Variants in CDKN3 observed in about 807,000 individuals in gnomAD.
The protein encoded by CDKN3 is cyclin-dependent kinase inhibitor 3.
CDKN3 carries 19 observed loss-of-function variants against 36.1 expected under a neutral mutation model. The ratio of observed to expected loss-of-function variants is 0.53; its 90% CI spans 0.37 to 0.77. The LOEUF is 0.77. Ranked by LOEUF, CDKN3 falls within the 30% of genes least tolerant of loss-of-function variation. The pLI is 0.00. For synonymous variants in CDKN3, 71 were observed against 85.3 expected, an observed-to-expected ratio of 0.83 and a Z score of 0.92; for missense variants, 188 against 248.6, an observed-to-expected ratio of 0.76 and a Z score of 1.64.
intron 3 of CDKN3, among the ~76,000 whole-genome samples, chr14:54,402,006 G>A (rs1370654196): frequency 6.6e-6 from 1 of 152,080 alleles, no homozygotes; most frequent in African/African-American, 2.4e-5. Flanking sequence ...TCAGAAGATA[G>A]AGACTATCCT....
At chr14:54,406,333 C>A (rs968329092) in intron 3 of CDKN3, among the ~76,000 whole-genome samples, 1 of 152,058 alleles carries the variant, frequency 6.6e-6, no homozygotes, top group Non-Finnish European at 1.5e-5. Context: ...TTGCTCTTCT[C>A]GTGGAGTATC....
At chr14:54,404,688 C>T (rs1459700403) in intron 3 of CDKN3, among the ~76,000 whole-genome samples, 1 of 152,214 alleles carries the variant, frequency 6.6e-6, no homozygotes, top group South Asian at 2.1e-4. Flanking sequence ...CATTCTCCTG[C>T]GTCAGCCTCC....
intron 2 of CDKN3, 89 bp from the exon 3 acceptor site, chr14:54,401,435 G>A: frequency 1.3e-6 from 1 of 759,162 alleles, no homozygotes; most frequent in Non-Finnish European, 2.2e-6. Context: ...ACTTTATTTG[G>A]TGGCAAGCAC....
chr14:54,414,523 C>T (rs2030464888), intron 5 of CDKN3, among the ~76,000 whole-genome samples: 1 of 150,622 alleles, frequency 6.6e-6, no homozygotes, highest in African/African-American at 2.4e-5. Context: ...CAAAAAGACA[C>T]TGAAGTGTTC....
chr14:54,419,348 G>A lies in CDKN3; in HGVS notation c.553-644G>A, dbSNP rs74528153. ...CACCTCAGCATTCTGTGGCAAACAG[G>A]CTTGCTGGTGTTAGCAATGCAGTTT... On this transcript the variant is annotated intron_variant, in intron 7 of 7. Coordinates refer to ENST00000335183, the MANE Select transcript of CDKN3 (RefSeq NM_005192.4). 2.7e-3 allele frequency among the ~76,000 whole-genome samples: 407 copies of A among 152,254 alleles called. 3 individuals carry two copies. Among genetic ancestry groups the A allele is most frequent in the African/African-American group, 9.4e-3 (392 of 41,558 alleles).
At chr14:54,418,859 G>A (rs2030636891) in intron 7 of CDKN3, among the ~76,000 whole-genome samples, 1 of 151,996 alleles carries the variant, frequency 6.6e-6, no homozygotes, top group Non-Finnish European at 1.5e-5. Context: ...CTCTCTTTAT[G>A]TTAAAAATCA....
rs4251650 is a variant in CDKN3, at chr14:54,414,648, C to T, written c.417-1251C>T. Among the ~76,000 whole-genome samples the T allele has an allele frequency of 1.6e-3, 234 of 148,700 alleles. No individual in the cohort carries two copies. The Middle Eastern group carries it at 0.028, about 18-fold the overall frequency. ...GTAGCCTTGAACTGCCGGGCTCAAG[C>T]GATCCTCCCACCTCAGGCTCCCGAG... On this transcript the variant is annotated intron_variant, in intron 5 of 7. Transcript: ENST00000335183.
chr14:54,415,221 A>G (rs1483982329), intron 5 of CDKN3, among the ~76,000 whole-genome samples: 12 of 152,222 alleles, frequency 7.9e-5, no homozygotes, highest in Non-Finnish European at 1.0e-4. Flanking sequence ...ACAGTGCTAG[A>G]TAACAGCAGC....
intron 5 of CDKN3, chr14:54,413,570 A>G: frequency 7.1e-7 from 1 of 1,409,146 alleles, no homozygotes; most frequent in South Asian, 1.2e-5. Flanking sequence ...CCCATAAAAT[A>G]AAGCATCTGA....
At chr14:54,407,256 G>A (rs1256477137) in intron 3 of CDKN3, among the ~76,000 whole-genome samples, 1 of 152,208 alleles carries the variant, frequency 6.6e-6, no homozygotes, top group Admixed American at 6.5e-5. Context: ...GCCAGCTGGA[G>A]TTCTCCTGTA....
In CDKN3 at chr14:54,397,039, G is replaced by C; in HGVS notation, c.-30G>C. On this transcript the variant is annotated 5_prime_UTR_variant, in exon 1 of 8. Coordinates refer to ENST00000335183, the MANE Select transcript of CDKN3 (RefSeq NM_005192.4). ...AGTCGCCGGCGCTGCAGAGGGAGGC[G>C]GCACTGGTCTCGACGTGGGGCGGCC... 1.3e-6 allele frequency: 2 copies of C among 1,485,818 alleles called. No individual in the cohort carries two copies. Among genetic ancestry groups the C allele is most frequent in the Non-Finnish European group, 1.8e-6 (2 of 1,115,102 alleles). The allele number at this position is 1,485,818 out of a possible 1,614,324, so 92.0% of individuals were successfully genotyped here.
At chr14:54,408,319 C>G (rs2030233263) in intron 3 of CDKN3, among the ~76,000 whole-genome samples, 1 of 152,200 alleles carries the variant, frequency 6.6e-6, no homozygotes, top group South Asian at 2.1e-4. Flanking sequence ...ATTCTCTATA[C>G]TGGGCAATAA....
intron 3 of CDKN3, among the ~76,000 whole-genome samples, chr14:54,404,241 G>A (rs540822207): frequency 7.2e-5 from 11 of 152,058 alleles, no homozygotes; most frequent in Admixed American, 4.6e-4. Flanking sequence ...TCACGGATTC[G>A]ACTTCTTCCT....
At chr14:54,402,005 A>C (rs4251614) in intron 3 of CDKN3, among the ~76,000 whole-genome samples, 107,793 of 151,884 alleles carry the variant, frequency 0.71, 38,271 homozygotes, top group African/African-American at 0.73. Flanking sequence ...GTCAGAAGAT[A>C]GAGACTATCC....
intron 3 of CDKN3, among the ~76,000 whole-genome samples, chr14:54,407,495 A>G (rs150439492): frequency 9.1e-4 from 139 of 152,328 alleles, no homozygotes; most frequent in African/African-American, 3.1e-3. Context: ...GAGTTTATCT[A>G]TAAGCCCCTG....
chr14:54,400,104 C>T (rs929012584), intron 2 of CDKN3, 128 bp downstream of exon 2: 25 of 626,986 alleles, frequency 4.0e-5, no homozygotes, highest in Admixed American at 5.7e-5. Flanking sequence ...TTATCCCCCT[C>T]TGATTATATA....
intron 7 of CDKN3, 145 bp from the exon 8 acceptor site, chr14:54,419,847 C>T (rs1594611492): frequency 1.9e-6 from 1 of 529,210 alleles, no homozygotes; most frequent in Non-Finnish European, 3.4e-6. Flanking sequence ...AAAACTTCCC[C>T]ATGATGCAAA....
chr14:54,414,990 C>T (rs2030490548), intron 5 of CDKN3, among the ~76,000 whole-genome samples: 1 of 148,774 alleles, frequency 6.7e-6, no homozygotes, highest in Admixed American at 6.6e-5. Context: ...TATATATCTA[C>T]AGCTTTACCT....
intron 3 of CDKN3, among the ~76,000 whole-genome samples, chr14:54,406,146 A>T (rs921180064): frequency 7.9e-5 from 12 of 152,290 alleles, no homozygotes; most frequent in Admixed American, 5.9e-4. Context: ...TATTTTCTTT[A>T]AGAATGTTGA....
Sources: allele counts gnomAD v4.1 joint callset (sites outside exome capture counted in the v4.1 genomes callset), GRCh38; gene constraint gnomAD v4.1.1; transcripts MANE v1.5; gene names NCBI Gene and HGNC (gene_info 2026-07-23, HGNC 2026-07-21).